ADCY3: variants seen among roughly 807,000 people sequenced by gnomAD.
The protein encoded by ADCY3 is adenylate cyclase type 3.
A neutral mutation model predicts 119.4 loss-of-function variants in ADCY3; 70 were observed. The ratio of observed to expected loss-of-function variants is 0.59; its 90% CI spans 0.48 to 0.72. The LOEUF is 0.72. Ranked by LOEUF, ADCY3 falls within the 30% of genes least tolerant of loss-of-function variation. The pLI, the probability that ADCY3 is intolerant of heterozygous loss-of-function variation, is 0.00. For missense variants in ADCY3, 1,238 were observed against 1,541.6 expected (o/e 0.80, Z 3.30); for synonymous variants, 672 against 621.4 (o/e 1.08, Z -1.21).
At chr2:24,912,489 A>G (rs1335180499) in intron 2 of ADCY3, among the ~76,000 whole-genome samples, 2 of 152,154 alleles carry the variant, frequency 1.3e-5, no homozygotes, top group East Asian at 3.8e-4. Flanking sequence ...CATCCCAGCC[A>G]TTCCATCTGA....
At chr2:24,883,078 G>A (rs560642851) in intron 2 of ADCY3, among the ~76,000 whole-genome samples, 6 of 150,938 alleles carry the variant, frequency 4.0e-5, no homozygotes, top group South Asian at 4.2e-4. Context: ...GGCCAGGCGC[G>A]GTGGCTCAAG....
At chr2:24,916,987 T>C (rs933076734) in intron 2 of ADCY3, among the ~76,000 whole-genome samples, 40 of 152,374 alleles carry the variant, frequency 2.6e-4, no homozygotes, top group African/African-American at 9.4e-4. Context: ...CACTCATCTC[T>C]GTTTCCTCCT....
intron 3 of ADCY3, among the ~76,000 whole-genome samples, chr2:24,848,646 G>A (rs184159258): frequency 3.9e-4 from 60 of 152,272 alleles, no homozygotes; most frequent in Non-Finnish European, 6.5e-4. Context: ...ATTCATTGCC[G>A]GCAAGCACTT....
At chr2:24,904,039 C>T (rs1193923377) in intron 2 of ADCY3, among the ~76,000 whole-genome samples, 1 of 152,162 alleles carries the variant, frequency 6.6e-6, no homozygotes, top group Non-Finnish European at 1.5e-5. Flanking sequence ...CACCCACAAC[C>T]AACTCTTCAC....
intron 20 of ADCY3, 49 bp from the exon 21 acceptor site, chr2:24,820,897 A>G (rs900333662): frequency 2.5e-6 from 4 of 1,603,134 alleles, no homozygotes; most frequent in Non-Finnish European, 3.4e-6. Context: ...ACACCTTGTT[A>G]TGGGCCTCAG....
At chr2:24,901,784 A>G (rs1678927488) in intron 2 of ADCY3, among the ~76,000 whole-genome samples, 1 of 151,786 alleles carries the variant, frequency 6.6e-6, no homozygotes, top group South Asian at 2.1e-4. Context: ...ATCTTTAAAA[A>G]AAAAAAAAAG....
At position 24,828,267 on chromosome 2, in the gene ADCY3, C is replaced by T. The variant is rs527469043; in HGVS notation, c.2173-106G>A. The T allele has an allele frequency of 2.4e-5, 33 of 1,384,404 alleles. No homozygotes were observed. The African/African-American group carries it at 3.3e-4, about 14-fold the overall frequency. 85.8% of individuals were successfully genotyped at this position (1,384,404 alleles called of 1,614,324 possible). ...CACGCTCAGCTGCCACCTCCCGCGG[C>T]TCCCCCAGAAATACCGGGAAAGATG... On this transcript the variant is annotated intron_variant, in intron 13 of 21. Transcript: ENST00000679454.
In ADCY3 at chr2:24,853,729, G is replaced by C. The variant is rs549571359; in HGVS notation, c.826-11345C>G. On this transcript the variant is annotated intron_variant, in intron 3 of 21. Coordinates refer to ENST00000679454, the MANE Select transcript of ADCY3 (RefSeq NM_004036.5). The stretch of plus-strand genomic sequence containing the variant: ...CCGAGATCCTGACCTCAGGTGATCT[G>C]CCTGCCTTGGCCTCCCAAATTGCTG... Among the ~76,000 whole-genome samples the C allele has an allele frequency of 3.3e-5, 5 of 152,202 alleles. No individual in the cohort carries two copies. The East Asian group carries it at 9.6e-4, about 29-fold the overall frequency.
chr2:24,851,471 A>G (rs973965328), intron 3 of ADCY3, among the ~76,000 whole-genome samples: 1 of 152,210 alleles, frequency 6.6e-6, no homozygotes, highest in Non-Finnish European at 1.5e-5. Context: ...TTTGCAGGTG[A>G]CAAAGCCTAG....
At chr2:24,836,046 T>C (rs1486669375) in intron 9 of ADCY3, among the ~76,000 whole-genome samples, 3 of 151,944 alleles carry the variant, frequency 2.0e-5, no homozygotes, top group African/African-American at 7.2e-5. Context: ...TTCTGTAAAA[T>C]CACGTGGATG....
In ADCY3 at chr2:24,822,509, A is replaced by G; in HGVS notation, c.3003+2T>C. On this transcript the variant is annotated splice_donor_variant, in intron 19 of 21. Transcript: ENST00000679454. LOFTEE classifies it high-confidence loss of function. The stretch of plus-strand genomic sequence containing the variant: ...ATCTCTCTGGCTACTGGGGTTAGCT[A>G]CCTTGTTGGAGCTGGCAAAGCCATT... 6.2e-7 allele frequency: 1 copy of G among 1,613,202 alleles called. No individual in the cohort carries two copies. Among genetic ancestry groups the G allele is most frequent in the Non-Finnish European group, 8.5e-7 (1 of 1,179,396 alleles).
Position 24,828,102 on chromosome 2 carries a change from C to T in ADCY3, c.2232G>A (p.Glu744=), listed in dbSNP as rs780570885. The part of the protein sequence containing the change: ...PSNATAGMET[E]GSCLENPKYY... Reference sequence around the variant, plus strand: ...ACTTGGGGTTCTCCAGGCAGCTGCCCTCCGTTTCCATCCCTGCCGTTGCAT... The same window carrying T: ...ACTTGGGGTTCTCCAGGCAGCTGCCTTCCGTTTCCATCCCTGCCGTTGCAT... The change falls in exon 14 of 22, where the codon GAG becomes GAA. Residue 744 remains glutamate, a synonymous_variant. Transcript: ENST00000679454. 3 of 1,614,028 alleles carry T rather than the reference C, an allele frequency of 1.9e-6. No homozygotes were observed. In the East Asian group the frequency reaches 6.7e-5, roughly 36 times the overall value.
chr2:24,855,546 G>C (rs10187348), intron 3 of ADCY3, among the ~76,000 whole-genome samples: 49,338 of 151,966 alleles, frequency 0.32, 8,172 homozygotes, highest in South Asian at 0.39. Context: ...GGAGGGTAAA[G>C]TCTTCATTCT....
chr2:24,825,351 C>G (rs1353210182), intron 16 of ADCY3, among the ~76,000 whole-genome samples: 377 of 10,666 alleles, frequency 0.035, 6 homozygotes, highest in Middle Eastern at 0.091. Context: ...GGGGGGGGTG[C>G]GGGGGGGGTG....
At chr2:24,852,750 C>T (rs139915559) in intron 3 of ADCY3, among the ~76,000 whole-genome samples, 172 of 152,348 alleles carry the variant, frequency 1.1e-3, no homozygotes, top group Non-Finnish European at 1.7e-3. Flanking sequence ...CCAACGCCCG[C>T]GGAAACTTGG....
At chr2:24,900,345 A>C (rs1678759867) in intron 2 of ADCY3, among the ~76,000 whole-genome samples, 1 of 102,056 alleles carries the variant, frequency 9.8e-6, no homozygotes, top group Non-Finnish European at 2.2e-5. Flanking sequence ...ACTCTGTCTC[A>C]AAAAAAAAAA....
chr2:24,909,425 T>C (rs1304852998), intron 2 of ADCY3, among the ~76,000 whole-genome samples: 1 of 152,188 alleles, frequency 6.6e-6, no homozygotes, highest in African/African-American at 2.4e-5. Context: ...GGGTCCATGA[T>C]TAAGCCACAC....
chr2:24,880,288 C>T (rs984665034), intron 2 of ADCY3, among the ~76,000 whole-genome samples: 4 of 152,252 alleles, frequency 2.6e-5, no homozygotes, highest in African/African-American at 9.6e-5. Context: ...TCAGGTTGCG[C>T]ACTGCCAGGG....
In ADCY3 at chr2:24,820,054, G is replaced by A; in HGVS notation, c.3313C>T (p.Pro1105Ser). The change falls in exon 22 of 22, where the codon CCC becomes TCC. Residue 1105 changes from proline (P) to serine (S), a missense_variant. Transcript: ENST00000679454. ...EYGFRFVRRGPIFVKGKGELL... is the reference protein window; with the variant it reads ...EYGFRFVRRGSIFVKGKGELL... Reference sequence around the variant, plus strand: ...TCCCCCTTCCCCTTCACAAAGATGGGGCCTCGCCTCACAAAGCGGAAGCCG... The same window carrying A: ...TCCCCCTTCCCCTTCACAAAGATGGAGCCTCGCCTCACAAAGCGGAAGCCG... 1 of 1,597,904 alleles carries A rather than the reference G, an allele frequency of 6.3e-7. No homozygotes were observed. The highest frequency in any genetic ancestry group is 8.5e-7 in the Non-Finnish European group (1 of 1,172,530).
Sources: allele counts gnomAD v4.1 joint callset (sites outside exome capture counted in the v4.1 genomes callset), GRCh38; gene constraint gnomAD v4.1.1; transcripts MANE v1.5; gene names NCBI Gene and HGNC (gene_info 2026-07-23, HGNC 2026-07-21).